Variants in ATAD3C observed in about 807,000 individuals in gnomAD.
ATAD3C encodes the protein ATPase family AAA domain containing 3C, also known as ATPase family AAA domain-containing protein 3C.
A neutral mutation model predicts 46.3 loss-of-function variants in ATAD3C; 38 were observed. The observed-to-expected ratio is 0.82, with a 90% confidence interval of 0.63 to 1.08. The LOEUF is 1.08. ATAD3C is among the 50% of genes least tolerant of loss of function. The probability of loss-of-function intolerance (pLI) is 0.00; values close to 1 mark genes in which losing one functional copy is unlikely to be tolerated. For synonymous variants in ATAD3C, 220 were observed against 236.4 expected (o/e 0.93, Z 0.63); for missense variants, 563 against 572.7 (o/e 0.98, Z 0.17).
chr1:1,454,032 G>A (rs1025318558), intron 3 of ATAD3C, among the ~76,000 whole-genome samples: 7 of 152,018 alleles, frequency 4.6e-5, no homozygotes, highest in Admixed American at 6.6e-5. Flanking sequence ...AGAATGTACC[G>A]AGGGTGTGGC....
intron 4 of ATAD3C, 134 bp from the exon 5 acceptor site, chr1:1,455,326 G>A (rs1045911074): frequency 2.0e-5 from 26 of 1,330,860 alleles, no homozygotes; most frequent in Non-Finnish European, 2.3e-5. Flanking sequence ...GCGGGGCGGG[G>A]TTCCAGCTCC....
In ATAD3C at chr1:1,459,639, C is replaced by G. The variant is rs1639023974; in HGVS notation, c.812+408C>G. Among the ~76,000 whole-genome samples the G allele has an allele frequency of 1.3e-5, 2 of 151,688 alleles. No individual in the cohort carries two copies. The highest frequency in any genetic ancestry group is 1.3e-4 in the Admixed American group (2 of 15,222). On this transcript the variant is annotated intron_variant, in intron 9 of 11. Coordinates refer to ENST00000378785, the MANE Select transcript of ATAD3C (RefSeq NM_001039211.3). This position sits in a 1 kb window ranked among gnomAD's most constrained non-coding sequence, Gnocchi z 4.9. The stretch of plus-strand genomic sequence containing the variant: ...GTTTGCTCCCACGGGAAGTTGGACA[C>G]CAGCAGGTCCTGTGTGTCGGGGCGG...
chr1:1,450,419 C>G lies in ATAD3C; in HGVS notation c.-265C>G. ...GAATTGGGAAAGAGCCTCCTCCCGT[C>G]CACATGGGATGGCCTTCCTGATGTG... is the stretch of plus-strand genomic sequence containing the variant. On this transcript the variant is annotated 5_prime_UTR_variant, in exon 1 of 12. Transcript: ENST00000378785. The G allele has an allele frequency of 2.1e-6, 1 of 475,238 alleles. No homozygotes were observed. Among genetic ancestry groups the G allele is most frequent in the South Asian group, 3.2e-5 (1 of 30,866 alleles). The allele number at this position is 475,238 out of a possible 1,614,324, so 29.4% of individuals were successfully genotyped here.
chr1:1,452,462 C>G, intron 3 of ATAD3C, 28 bp downstream of exon 3: 1 of 1,613,388 alleles, frequency 6.2e-7, no homozygotes, highest in Non-Finnish European at 8.5e-7. Flanking sequence ...ACAGGGCTGG[C>G]AGGTGGCTGA....
chr1:1,450,710 G>C lies in ATAD3C; in HGVS notation c.27G>C (p.Ala9=), dbSNP rs375341112. ...TGTCAAAGGACGCCCTGAATCTGGC[G>C]CAGATGCAGGAGCAGACGCTGCAGT... MSKDALNL[A]QMQEQTLQLE... The change falls in exon 1 of 12, where the codon GCG becomes GCC. Residue 9 remains alanine, a synonymous_variant. Coordinates refer to ENST00000378785, the MANE Select transcript of ATAD3C (RefSeq NM_001039211.3). 172 of 1,613,098 alleles carry C rather than the reference G, an allele frequency of 1.1e-4. 4 individuals carry two copies. Among genetic ancestry groups the C allele is most frequent in the Non-Finnish European group, 1.3e-4 (151 of 1,179,538 alleles).
rs1336410629 is a variant in ATAD3C at position 1,465,737 on chromosome 1, G to T, written c.1090-2647G>T. ...GGATTCTAGGATTTTCTACATATAA[G>T]ATTATATCATCTGAGAACAGGTGAT... On this transcript the variant is annotated intron_variant, in intron 11 of 11. Transcript: ENST00000378785. Among the ~76,000 whole-genome samples the T allele has an allele frequency of 3.0e-4, 45 of 151,776 alleles. 2 individuals carry two copies. The highest frequency in any genetic ancestry group is 2.9e-4 in the Non-Finnish European group (20 of 67,934).
At chr1:1,454,606 G>C in intron 4 of ATAD3C, 106 bp downstream of exon 4, 1 of 1,468,916 alleles carries the variant, frequency 6.8e-7, no homozygotes, top group Non-Finnish European at 9.0e-7. Context: ...CCTTTCCCCG[G>C]ATAACAGGCA....
At chr1:1,457,278 T>C (rs1056604479) in intron 8 of ATAD3C, 98 bp downstream of exon 8, 5 of 1,575,290 alleles carry the variant, frequency 3.2e-6, no homozygotes, top group Admixed American at 1.7e-5. Flanking sequence ...CAATTTCTTT[T>C]TCTCTAAGTT....
intron 10 of ATAD3C, among the ~76,000 whole-genome samples, chr1:1,461,534 G>C (rs780528795): frequency 2.0e-5 from 3 of 152,012 alleles, no homozygotes; most frequent in Non-Finnish European, 4.4e-5. Context: ...AGGAAATCCT[G>C]TACCTGGCCA....
rs1352772540 is a variant in ATAD3C, at chr1:1,455,788, C to T, written c.439-3C>T. On this transcript the variant is annotated splice_polypyrimidine_tract_variant and splice_region_variant and intron_variant, in intron 5 of 11. Coordinates refer to ENST00000378785, the MANE Select transcript of ATAD3C (RefSeq NM_001039211.3). ...TCCTCCAAGCCCCTGTCTTCCTCGGCAGCCCAGCCTGGAAGCACGGGTGCG... is the reference window on the plus strand; with the variant it reads ...TCCTCCAAGCCCCTGTCTTCCTCGGTAGCCCAGCCTGGAAGCACGGGTGCG... The T allele has an allele frequency of 1.9e-6, 3 of 1,613,074 alleles. No individual in the cohort carries two copies. The highest frequency in any genetic ancestry group is 2.7e-5 in the African/African-American group (2 of 74,908).
intron 8 of ATAD3C, among the ~76,000 whole-genome samples, chr1:1,457,570 TG>T (rs1259909390): frequency 8.7e-6 from 1 of 114,676 alleles, no homozygotes; most frequent in Non-Finnish European, 1.6e-5. Flanking sequence ...CACTCCAGCC[TG>T]GGCGACACAG....
chr1:1,451,692 G>C (rs1486306449), intron 1 of ATAD3C, among the ~76,000 whole-genome samples: 1 of 152,092 alleles, frequency 6.6e-6, no homozygotes, highest in African/African-American at 2.4e-5. Context: ...CGTGTTGCCT[G>C]TTGTGGGCAT....
At chr1:1,467,037 G>C (rs1416389387) in intron 11 of ATAD3C, among the ~76,000 whole-genome samples, 2 of 152,040 alleles carry the variant, frequency 1.3e-5, no homozygotes, top group Non-Finnish European at 2.9e-5. Context: ...AAAGTTGCAA[G>C]AGTAGCACAG....
At chr1:1,452,288 C>T in intron 2 of ATAD3C, 77 bp from the exon 3 acceptor site, 1 of 1,606,952 alleles carries the variant, frequency 6.2e-7, no homozygotes, top group African/African-American at 1.3e-5. Flanking sequence ...TGTGTCAAGG[C>T]CTCACCCTCA....
At chr1:1,455,003 C>T (rs568993873) in intron 4 of ATAD3C, among the ~76,000 whole-genome samples, 13 of 151,744 alleles carry the variant, frequency 8.6e-5, no homozygotes, top group Admixed American at 4.0e-4. Context: ...ATCATGAGGT[C>T]AGGACATCGA....
chr1:1,452,587 C>T lies in ATAD3C; in HGVS notation c.222+153C>T, dbSNP rs557913167. ...CCAAACTGGACCTGCTGGTGGGAGC[C>T]GCTCCTCCCTCCTTGAGCTGGGAGA... is the stretch of plus-strand genomic sequence containing the variant. On this transcript the variant is annotated intron_variant, in intron 3 of 11. Transcript: ENST00000378785. Among the ~76,000 whole-genome samples the T allele has an allele frequency of 3.3e-5, 5 of 151,876 alleles. 1 individual carries two copies. The highest frequency in any genetic ancestry group is 4.8e-5 in the African/African-American group (2 of 41,394).
In ATAD3C at chr1:1,462,694, G is replaced by A; in HGVS notation, c.1075G>A (p.Ala359Thr). Reference protein sequence around the residue: ...GMSCRKIAQLAVSWQATAYAS... With the variant: ...GMSCRKIAQLTVSWQATAYAS... Reference sequence around the variant, plus strand: ...GTCATGCCGGAAGATCGCACAGCTGGCCGTGTCCTGGCAGGTGAGTCAGGC... The same window carrying A: ...GTCATGCCGGAAGATCGCACAGCTGACCGTGTCCTGGCAGGTGAGTCAGGC... The change falls in exon 11 of 12, where the codon GCC becomes ACC. Residue 359 changes from alanine (A) to threonine (T), a missense_variant. Physicochemically the swap from Ala to Thr is moderately conservative, Grantham distance 58. Around this residue, in one of 3 missense-constraint regions of ATAD3C, gnomAD observed 273 missense variants for 253.5 expected, o/e 1.08. Coordinates refer to ENST00000378785, the MANE Select transcript of ATAD3C (RefSeq NM_001039211.3). This position sits in a 1 kb window ranked among gnomAD's most constrained non-coding sequence, Gnocchi z 4.5. 1 of 1,603,482 alleles carries A rather than the reference G, an allele frequency of 6.2e-7. No homozygotes were observed. The highest frequency in any genetic ancestry group is 8.5e-7 in the Non-Finnish European group (1 of 1,175,526).
rs1046543409 is a variant in ATAD3C at position 1,455,917 on chromosome 1, G to T, written c.564+1G>T. 3.1e-6 allele frequency: 5 copies of T among 1,613,020 alleles called. No individual in the cohort carries two copies. The highest frequency in any genetic ancestry group is 4.2e-6 in the Non-Finnish European group (5 of 1,179,690). ...CACCGGGAAGACGCTGTTTGCCAAG[G>T]TGAGAGTGCCTAGCTGAACAGGTGG... On this transcript the variant is annotated splice_donor_variant, in intron 6 of 11. Transcript: ENST00000378785. LOFTEE classifies it high-confidence loss of function.
chr1:1,460,847 G>A lies in ATAD3C; in HGVS notation c.910G>A (p.Glu304Lys), dbSNP rs746072776. The change falls in exon 10 of 12, where the codon GAG (glutamate) becomes AAG (lysine). Residue 304 changes from glutamate to lysine, a missense_variant. Glu to Lys is a moderately conservative substitution (Grantham distance 56). Coordinates refer to ENST00000378785, the MANE Select transcript of ATAD3C (RefSeq NM_001039211.3). ...GGTCCACTTCGACCTGCCAGGGCAG[G>A]AGGAGCGGGCGCGCCTGGTGAGAAT... ...VMVHFDLPGQ[E>K]ERARLVRMYL... 1.2e-6 allele frequency: 2 copies of A among 1,613,198 alleles called. No homozygotes were observed. Among genetic ancestry groups the A allele is most frequent in the African/African-American group, 1.3e-5 (1 of 75,004 alleles).
Sources: gnomAD v4.1 joint callset for allele counts (sites outside exome capture counted in the v4.1 genomes callset) on GRCh38, gnomAD v4.1.1 for gene constraint, gnomAD v4.1.1 regional missense constraint, Gnocchi (gnomAD v3.1) non-coding constraint, MANE v1.5 for transcripts, NCBI Gene and HGNC (gene_info 2026-07-23, HGNC 2026-07-21) for gene names.